Variants in CEP120 observed in about 807,000 individuals in gnomAD.
The protein encoded by CEP120 is centrosomal protein of 120 kDa.
CEP120 carries 113 observed loss-of-function variants against 126.5 expected under a neutral mutation model. The observed-to-expected ratio is 0.89, with a 90% CI of 0.77 to 1.04. CEP120 has a LOEUF of 1.04. CEP120 is among the 50% of genes least tolerant of loss of function. The pLI is 0.00. For synonymous variants in CEP120, 400 were observed against 394.3 expected, an observed-to-expected ratio of 1.01 and a Z score of -0.17; for missense variants, 1,230 against 1,155.7, an observed-to-expected ratio of 1.06 and a Z score of -0.93.
At chr5:123,381,968 T>C in intron 14 of CEP120, 143 bp downstream of exon 14, 1 of 576,104 alleles carries the variant, frequency 1.7e-6, no homozygotes, top group Non-Finnish European at 3.0e-6. Context: ...CCCTTCTCTA[T>C]CCAGAGCCAC....
At chr5:123,401,876 C>G in intron 4 of CEP120, 3 of 1,554,556 alleles carry the variant, frequency 1.9e-6, no homozygotes, top group Non-Finnish European at 2.6e-6. Flanking sequence ...TCAGTTTCTC[C>G]TAGCCCAGAG....
intron 5 of CEP120, among the ~76,000 whole-genome samples, chr5:123,396,227 C>CT (rs137976193): frequency 0.024 from 3,619 of 152,092 alleles, 66 homozygotes; most frequent in Middle Eastern, 0.061. Flanking sequence ...TAGTTTTCAC[C>CT]TTTTGGCTAT....
chr5:123,393,875 T>C (rs1399147667), intron 5 of CEP120, among the ~76,000 whole-genome samples: 2 of 152,230 alleles, frequency 1.3e-5, no homozygotes, highest in Non-Finnish European at 2.9e-5. Flanking sequence ...AGAGGCTCTA[T>C]GTTATGAATG....
intron 16 of CEP120, 96 bp from the exon 17 acceptor site, chr5:123,372,868 G>A: frequency 1.1e-6 from 1 of 946,388 alleles, no homozygotes; most frequent in Non-Finnish European, 1.6e-6. Context: ...TTATTCTACA[G>A]CATGCTCATA....
chr5:123,389,980 G>A lies in CEP120; in HGVS notation c.1199C>T (p.Thr400Ile). ...CTGTAAACTTTCCACTTCACTTTCT[G>A]TTGCATCATCTTTTGTTGGAGGTGA... is the stretch of plus-strand genomic sequence containing the variant. ...NQSPPTKDDA[T>I]ESEVESLQYD... Residue 400 changes from threonine (T) to isoleucine (I), a missense_variant, in exon 8 of 20, where the codon ACA (threonine) becomes ATA (isoleucine). Coordinates refer to ENST00000306467, the MANE Select transcript of CEP120 (RefSeq NM_001375405.1). 1 of 1,614,076 alleles carries A rather than the reference G, an allele frequency of 6.2e-7. No individual in the cohort carries two copies. Among genetic ancestry groups the A allele is most frequent in the African/African-American group, 1.3e-5 (1 of 75,004 alleles).
At chr5:123,377,314 CTCT>C in intron 16 of CEP120, 57 bp downstream of exon 16, 1 of 1,502,940 alleles carries the variant, frequency 6.7e-7, no homozygotes, top group South Asian at 1.2e-5. Flanking sequence ...TGAACTATTT[CTCT>C]TATTACTAGA....
chr5:123,369,200 T>C (rs1770683281), intron 17 of CEP120, among the ~76,000 whole-genome samples: 1 of 152,048 alleles, frequency 6.6e-6, no homozygotes, highest in Non-Finnish European at 1.5e-5. Flanking sequence ...CTTTCAATGG[T>C]ATCTCATTAT....
intron 18 of CEP120, among the ~76,000 whole-genome samples, chr5:123,361,330 T>A (rs1209004407): frequency 2.0e-5 from 3 of 151,844 alleles, no homozygotes; most frequent in African/African-American, 7.2e-5. Context: ...GCTGACTTCA[T>A]TTACATTTCT....
chr5:123,347,808 C>A (rs1226762425), intron 19 of CEP120, among the ~76,000 whole-genome samples: 1 of 152,020 alleles, frequency 6.6e-6, no homozygotes, highest in Non-Finnish European at 1.5e-5. Context: ...CCACACCCGG[C>A]TAAATTTTGT....
At chr5:123,375,358 G>A (rs184664867) in intron 16 of CEP120, among the ~76,000 whole-genome samples, 18 of 151,612 alleles carry the variant, frequency 1.2e-4, no homozygotes, top group East Asian at 3.9e-4. Context: ...CGTCTCATTC[G>A]GTTGCTCAGG....
At chr5:123,380,173 G>T (rs1392747445) in intron 14 of CEP120, among the ~76,000 whole-genome samples, 1 of 151,978 alleles carries the variant, frequency 6.6e-6, no homozygotes, top group Non-Finnish European at 1.5e-5. Context: ...GAGTCTCAGG[G>T]TATTTAGCTT....
In CEP120 at chr5:123,382,133, C is replaced by G. The variant is rs1771689677; in HGVS notation, c.2081G>C (p.Arg694Thr). The G allele has an allele frequency of 6.2e-7, 1 of 1,605,898 alleles. No individual in the cohort carries two copies. The highest frequency in any genetic ancestry group is 1.3e-5 in the African/African-American group (1 of 74,510). The change falls in exon 14 of 20, where the codon AGA becomes ACA. Residue 694 changes from arginine (R) to threonine (T), a missense_variant. Coordinates refer to ENST00000306467, the MANE Select transcript of CEP120 (RefSeq NM_001375405.1). ...TACCTTTTTCTTTACTAGTGATTCT[C>G]TTTCTCGGTCCCTTTTCTTCCATTC... ...AEEWKKRDRERESLVKKKVAE... is the reference protein window; with the variant it reads ...AEEWKKRDRETESLVKKKVAE...
chr5:123,377,682 T>A (rs1771335602), intron 15 of CEP120, 147 bp from the exon 16 acceptor site: 1 of 606,006 alleles, frequency 1.7e-6, no homozygotes, highest in African/African-American at 1.9e-5. Flanking sequence ...GAGTTAATGT[T>A]CAAGTGTACC....
At chr5:123,415,472 G>C (rs1012166523) in intron 3 of CEP120, among the ~76,000 whole-genome samples, 3 of 152,176 alleles carry the variant, frequency 2.0e-5, no homozygotes, top group Non-Finnish European at 4.4e-5. Flanking sequence ...ATAGCAACTT[G>C]GATACAAGTC....
chr5:123,395,603 G>T (rs1297907609), intron 5 of CEP120, among the ~76,000 whole-genome samples: 1 of 151,708 alleles, frequency 6.6e-6, no homozygotes, highest in Non-Finnish European at 1.5e-5. Flanking sequence ...ACAATATGTG[G>T]CCTTTTGTGT....
chr5:123,419,945 G>A (rs943937284), intron 1 of CEP120, among the ~76,000 whole-genome samples: 52 of 152,270 alleles, frequency 3.4e-4, no homozygotes, highest in Admixed American at 5.9e-4. Context: ...TCTTATTGAG[G>A]GGAATTTTAT....
intron 4 of CEP120, among the ~76,000 whole-genome samples, chr5:123,411,519 G>A (rs1258436768): frequency 6.6e-6 from 1 of 152,148 alleles, no homozygotes; most frequent in Non-Finnish European, 1.5e-5. Context: ...AAAGAAATGA[G>A]CTATCAAGCC....
rs1403821471 is a variant in CEP120 at position 123,386,672 on chromosome 5, AATTT to A, written c.1431-9_1431-6del. On this transcript the variant is annotated splice_polypyrimidine_tract_variant and splice_region_variant and intron_variant, in intron 9 of 19. Transcript: ENST00000306467. ...CCAAAGAATGGATATGAGTACCTAG[AATTT>A]AAAAAAAAAAAAAAAAAAAAAAGCC... 55 of 917,394 alleles carry A rather than the reference AATTT, an allele frequency of 6.0e-5. 1 individual carries two copies. The African/African-American group carries it at 8.3e-4, about 14-fold the overall frequency. 56.8% of individuals were successfully genotyped at this position (917,394 alleles called of 1,614,324 possible).
intron 17 of CEP120, among the ~76,000 whole-genome samples, chr5:123,370,685 GTATA>G (rs71223059): frequency 1.4e-5 from 2 of 146,096 alleles, no homozygotes; most frequent in African/African-American, 5.0e-5. Context: ...GTGTGTGTGT[GTATA>G]TATATATACA....
Sources: gnomAD v4.1 joint callset for allele counts (sites outside exome capture counted in the v4.1 genomes callset) on GRCh38, gnomAD v4.1.1 for gene constraint, MANE v1.5 for transcripts, NCBI Gene and HGNC (gene_info 2026-07-23, HGNC 2026-07-21) for gene names.